Variants in DLG2 observed in about 807,000 individuals in gnomAD.
The protein encoded by DLG2 is disks large homolog 2.
DLG2 carries 45 observed loss-of-function variants against 132.5 expected under a neutral mutation model. The observed-to-expected ratio is 0.34, with a 90% CI of 0.27 to 0.44. The LOEUF is 0.44. Ranked by LOEUF, DLG2 falls within the 20% of genes least tolerant of loss-of-function variation. DLG2 has a pLI of 1.00. For synonymous variants in DLG2, 424 were observed against 419.6 expected (o/e 1.01, Z -0.13); for missense variants, 1,045 against 1,196.9 (o/e 0.87, Z 1.87).
intron 6 of DLG2, among the ~76,000 whole-genome samples, chr11:84,542,480 A>C (rs912729084): frequency 6.6e-6 from 1 of 152,186 alleles, no homozygotes; most frequent in Non-Finnish European, 1.5e-5. Context: ...GAGGGTAAGA[A>C]CCCTGACATG....
intron 3 of DLG2, among the ~76,000 whole-genome samples, chr11:85,347,344 C>T (rs755228956): frequency 2.3e-4 from 35 of 152,066 alleles, no homozygotes; most frequent in Non-Finnish European, 4.3e-4. Flanking sequence ...GAAACACAAG[C>T]GCCTTCTATC....
intron 15 of DLG2, among the ~76,000 whole-genome samples, chr11:83,906,310 CACACACA>C (rs2074943803): frequency 1.5e-5 from 2 of 136,598 alleles, no homozygotes; most frequent in African/African-American, 2.7e-5. Context: ...CACACACACA[CACACACA>C]CACCTCGGCC....
rs2090067393 is a variant in DLG2, at chr11:83,461,726, A to G, written c.2821+276T>C. On this transcript the variant is annotated intron_variant, in intron 27 of 27. Coordinates refer to ENST00000376104, the MANE Select transcript of DLG2 (RefSeq NM_001142699.3). Reference sequence around the variant, plus strand: ...GGTAGCAATGCCTCAAATCCTTTTCATGGTAGGAGATAGCTCAGGGGTATC... The same window carrying G: ...GGTAGCAATGCCTCAAATCCTTTTCGTGGTAGGAGATAGCTCAGGGGTATC... 12 of 344,208 alleles carry G rather than the reference A, an allele frequency of 3.5e-5. No individual in the cohort carries two copies. The South Asian group carries it at 7.3e-4, about 21-fold the overall frequency. The allele number at this position is 344,208 out of a possible 1,614,324, so 21.3% of individuals were successfully genotyped here.
At chr11:84,777,616 T>TTTTA (rs537554677) in intron 6 of DLG2, among the ~76,000 whole-genome samples, 31 of 151,682 alleles carry the variant, frequency 2.0e-4, no homozygotes, top group East Asian at 5.8e-4. Flanking sequence ...ACATTTGTTA[T>TTTTA]TTTATTTATT....
intron 18 of DLG2, among the ~76,000 whole-genome samples, chr11:83,732,897 C>T (rs2091268838): frequency 6.6e-6 from 1 of 152,112 alleles, no homozygotes; most frequent in Non-Finnish European, 1.5e-5. Flanking sequence ...ATCTGCTTCT[C>T]CATAACTGAA....
At chr11:85,408,253 C>A (rs1041289824) in intron 3 of DLG2, among the ~76,000 whole-genome samples, 3 of 149,924 alleles carry the variant, frequency 2.0e-5, no homozygotes, top group Non-Finnish European at 4.4e-5. Context: ...TTAATCATAA[C>A]TTATTGCTGT....
chr11:84,442,354 C>A (rs2154478030), intron 7 of DLG2, among the ~76,000 whole-genome samples: 1 of 152,040 alleles, frequency 6.6e-6, no homozygotes, highest in South Asian at 2.1e-4. Flanking sequence ...TACTATACAT[C>A]CATAAAAAGG....
chr11:83,548,479 G>A (rs1293739095), intron 19 of DLG2, among the ~76,000 whole-genome samples: 3 of 152,102 alleles, frequency 2.0e-5, no homozygotes, highest in Non-Finnish European at 4.4e-5. Flanking sequence ...GAAACAACAT[G>A]CTTTAATAGA....
chr11:83,816,541 A>G (rs2048982324), intron 17 of DLG2, among the ~76,000 whole-genome samples: 1 of 152,112 alleles, frequency 6.6e-6, no homozygotes, highest in African/African-American at 2.4e-5. Context: ...TGGTAGTGCT[A>G]CAGGAGGTTC....
At chr11:84,802,581 A>T (rs1321557468) in intron 6 of DLG2, among the ~76,000 whole-genome samples, 1 of 150,266 alleles carries the variant, frequency 6.7e-6, no homozygotes, top group African/African-American at 2.5e-5. Context: ...TTCTCTTCTG[A>T]TCTCTTGCAG....
intron 6 of DLG2, among the ~76,000 whole-genome samples, chr11:84,799,305 A>G (rs2075072152): frequency 6.6e-6 from 1 of 152,248 alleles, no homozygotes; most frequent in Non-Finnish European, 1.5e-5. Flanking sequence ...GGGACTGGGC[A>G]GCACTGAGTT....
intron 8 of DLG2, among the ~76,000 whole-genome samples, chr11:84,182,000 G>C (rs2096144000): frequency 1.3e-5 from 2 of 152,094 alleles, no homozygotes; most frequent in South Asian, 4.1e-4. Context: ...GGATATATTT[G>C]AACTCCATGG....
chr11:85,601,950 G>A (rs2080193794), intron 2 of DLG2, among the ~76,000 whole-genome samples: 1 of 152,084 alleles, frequency 6.6e-6, no homozygotes, highest in Non-Finnish European at 1.5e-5. Context: ...AATATTACCA[G>A]CACCCTCAAG....
intron 6 of DLG2, among the ~76,000 whole-genome samples, chr11:84,974,362 T>C (rs973032046): frequency 2.6e-5 from 4 of 152,202 alleles, no homozygotes; most frequent in South Asian, 4.1e-4. Flanking sequence ...GCCTTTTGAA[T>C]CCCAGTTCAG....
At chr11:83,620,006 A>C (rs2061388518) in intron 19 of DLG2, among the ~76,000 whole-genome samples, 1 of 152,216 alleles carries the variant, frequency 6.6e-6, no homozygotes, top group African/African-American at 2.4e-5. Context: ...ATTAGAAGCT[A>C]TTAAATACCC....
chr11:84,115,518 C>T (rs1280176484), intron 9 of DLG2, among the ~76,000 whole-genome samples: 3 of 152,196 alleles, frequency 2.0e-5, no homozygotes, highest in Non-Finnish European at 4.4e-5. Flanking sequence ...GTCACGGACA[C>T]CTGTCTCCTC....
At chr11:84,529,570 T>G (rs1248016793) in intron 7 of DLG2, among the ~76,000 whole-genome samples, 1 of 152,064 alleles carries the variant, frequency 6.6e-6, no homozygotes, top group African/African-American at 2.4e-5. Context: ...AAAATACCTA[T>G]GAATACAGCT....
intron 6 of DLG2, among the ~76,000 whole-genome samples, chr11:84,849,886 C>T (rs1483746438): frequency 6.6e-6 from 1 of 151,944 alleles, no homozygotes; most frequent in African/African-American, 2.4e-5. Context: ...ATGTAGTTGG[C>T]AGTAACATAT....
chr11:85,182,335 T>C lies in DLG2; in HGVS notation c.187-27684A>G, dbSNP rs115630969. On this transcript the variant is annotated intron_variant, in intron 4 of 27. Coordinates refer to ENST00000376104, the MANE Select transcript of DLG2 (RefSeq NM_001142699.3). ...TGTTCTTTACACTGAAACACACTTC[T>C]CTTCACAATCTAAACATGTTAAAGT... Among the ~76,000 whole-genome samples the C allele has an allele frequency of 6.8e-3, 1,034 of 152,032 alleles. 8 individuals are homozygous for C. The highest frequency in any genetic ancestry group is 0.023 in the African/African-American group (963 of 41,526).
Sources: allele counts gnomAD v4.1 joint callset (sites outside exome capture counted in the v4.1 genomes callset), GRCh38; gene constraint gnomAD v4.1.1; transcripts MANE v1.5; gene names NCBI Gene and HGNC (gene_info 2026-07-23, HGNC 2026-07-21).